Variants in CENPV observed in about 807,000 individuals in gnomAD.
The protein encoded by CENPV is centromere protein V.
CENPV carries 15 observed loss-of-function variants against 26.4 expected under a neutral mutation model. The ratio of observed to expected loss-of-function variants is 0.57; its 90% CI spans 0.38 to 0.88. The LOEUF (loss-of-function observed/expected upper bound fraction) is 0.88, where lower values mean the gene tolerates loss of function less well. CENPV is among the 40% of genes least tolerant of loss of function. The pLI is 0.00. For synonymous variants in CENPV, 172 were observed against 165.5 expected (o/e 1.04, Z -0.30); for missense variants, 336 against 376.5 (o/e 0.89, Z 0.89).
rs2093235189 is a variant in CENPV, at chr17:16,353,270, G to A, written c.167C>T (p.Pro56Leu). ...CCTCAGCCGCGGCTTCTCCGACGGC[G>A]GCTTCTCCACCGCCTGGCTCTTGCT... The part of the protein sequence containing the change: ...AGSKSQAVEK[P>L]PSEKPRLRRS... The change falls in exon 1 of 5, where the codon CCG becomes CTG. Residue 56 changes from proline (P) to leucine (L), a missense_variant. Coordinates refer to ENST00000299736, the MANE Select transcript of CENPV (RefSeq NM_181716.3). The A allele has an allele frequency of 3.5e-6, 5 of 1,419,476 alleles. No homozygotes were observed. Among genetic ancestry groups the A allele is most frequent in the Non-Finnish European group, 4.6e-6 (5 of 1,087,424 alleles). 87.9% of individuals were successfully genotyped at this position (1,419,476 alleles called of 1,614,324 possible). A position where few individuals can be genotyped will look rare whatever the true frequency, so the allele number is the denominator to read the frequency against.
intron 3 of CENPV, among the ~76,000 whole-genome samples, chr17:16,346,683 G>A (rs755535974): frequency 1.3e-5 from 2 of 150,914 alleles, no homozygotes; most frequent in Admixed American, 6.6e-5. Flanking sequence ...CCTGGGAGGC[G>A]GAGGTTACAG....
chr17:16,344,708 C>G lies in CENPV; in HGVS notation c.583G>C (p.Ala195Pro). Residue 195 changes from alanine to proline, a missense_variant, in exon 4 of 5, where the codon GCT becomes CCT. Physicochemically the swap from Ala to Pro is conservative, Grantham distance 27. Around this residue, in one of 2 missense-constraint regions of CENPV, gnomAD observed 155 missense variants for 227.8 expected, o/e 0.68. Coordinates refer to ENST00000299736, the MANE Select transcript of CENPV (RefSeq NM_181716.3). ...AACGTGTAAGTCGTTATGTGCTCAG[C>G]TCCCTAGGTGAAAACAGACAAACGG... is the stretch of plus-strand genomic sequence containing the variant. Reference protein sequence around the residue: ...PASRFKLLKGAEHITTYTFNT... With the variant: ...PASRFKLLKGPEHITTYTFNT... The G allele has an allele frequency of 6.4e-7, 1 of 1,564,396 alleles. No homozygotes were observed.
chr17:16,348,432 C>T (rs913158998), intron 3 of CENPV, 184 bp downstream of exon 3: 1 of 1,364,416 alleles, frequency 7.3e-7, no homozygotes, highest in Non-Finnish European at 9.5e-7. Context: ...GCTGGGATTA[C>T]AGGCGTGAGC....
At chr17:16,348,847 G>A in intron 2 of CENPV, 162 bp from the exon 3 acceptor site, 1 of 1,422,554 alleles carries the variant, frequency 7.0e-7, no homozygotes, top group Non-Finnish European at 9.2e-7. Flanking sequence ...CAGTGCCTCT[G>A]GTTTGCAGGT....
In CENPV at chr17:16,347,864, T is replaced by C. The variant is rs149776892; in HGVS notation, c.579+752A>G. Among the ~76,000 whole-genome samples, 243 of 152,234 alleles carry C rather than the reference T, an allele frequency of 1.6e-3. 12 individuals are homozygous for C. The East Asian group carries it at 0.044, about 27-fold the overall frequency. ...CAAAAAATTCCCCAAAATAATAAAA[T>C]TAAAGTTACAAATAAGTATATAAGC... On this transcript the variant is annotated intron_variant, in intron 3 of 4. Coordinates refer to ENST00000299736, the MANE Select transcript of CENPV (RefSeq NM_181716.3).
chr17:16,348,875 G>A (rs2093218587), intron 2 of CENPV, 190 bp from the exon 3 acceptor site: 6 of 1,382,592 alleles, frequency 4.3e-6, no homozygotes, highest in Non-Finnish European at 5.6e-6. Context: ...AGCCCAGGGG[G>A]GTCCCAAGTC....
intron 1 of CENPV, 137 bp downstream of exon 1, chr17:16,352,890 G>A (rs1476994493): frequency 3.2e-6 from 4 of 1,260,900 alleles, no homozygotes; most frequent in Admixed American, 8.0e-5. Context: ...GCTAACGGGG[G>A]AGCCGCGTCG....
intron 2 of CENPV, 169 bp from the exon 3 acceptor site, chr17:16,348,854 A>C (rs1243844168): frequency 2.3e-6 from 3 of 1,329,930 alleles, no homozygotes; most frequent in Non-Finnish European, 3.0e-6. Flanking sequence ...TCTGGTTTGC[A>C]GGTACAGCAG....
At chr17:16,351,582 CA>C (rs1294828231) in intron 1 of CENPV, 5 of 152,192 alleles carry the variant, frequency 3.3e-5, no homozygotes, top group African/African-American at 1.2e-4. Flanking sequence ...GAGGGATCTA[CA>C]GTTAATTATT....
At chr17:16,348,490 G>T (rs1031678938) in intron 3 of CENPV, 126 bp downstream of exon 3, 1 of 1,522,636 alleles carries the variant, frequency 6.6e-7, no homozygotes, top group Non-Finnish European at 8.9e-7. Context: ...ACCAAAGCCC[G>T]TGAGAGGCCC....
At chr17:16,350,478 G>C (rs943351261) in intron 1 of CENPV, 12 of 153,830 alleles carry the variant, frequency 7.8e-5, no homozygotes, top group African/African-American at 2.7e-4. Context: ...CAAGTAGCTG[G>C]GATTACAGGC....
chr17:16,342,546 A>G lies in CENPV; in HGVS notation c.*271T>C. The stretch of plus-strand genomic sequence containing the variant: ...AAACCAAAGTGACTGCTTTAATGTT[A>G]AAAATATTTATTTTTTTTCCTAAAA... On this transcript the variant is annotated 3_prime_UTR_variant, in exon 5 of 5. Coordinates refer to ENST00000299736, the MANE Select transcript of CENPV (RefSeq NM_181716.3). The G allele has an allele frequency of 1.8e-6, 1 of 557,172 alleles. No individual in the cohort carries two copies. The highest frequency in any genetic ancestry group is 2.7e-5 in the South Asian group (1 of 37,244). The allele number at this position is 557,172 out of a possible 1,614,324, so 34.5% of individuals were successfully genotyped here. A position where few individuals can be genotyped will look rare whatever the true frequency, so the allele number is the denominator to read the frequency against.
Position 16,349,598 on chromosome 17 carries a change from A to G in CENPV, c.509+333T>C, listed in dbSNP as rs2093221208. On this transcript the variant is annotated intron_variant, in intron 2 of 4. Coordinates refer to ENST00000299736, the MANE Select transcript of CENPV (RefSeq NM_181716.3). Reference sequence around the variant, plus strand: ...TAGACTTCTATGAAGATTCTGCCCAAGGCTTTCCACTCAGTACCCAGCCAG... The same window carrying G: ...TAGACTTCTATGAAGATTCTGCCCAGGGCTTTCCACTCAGTACCCAGCCAG... The G allele has an allele frequency of 2.8e-6, 3 of 1,056,334 alleles. No homozygotes were observed. The South Asian group carries it at 1.1e-4, about 38-fold the overall frequency. 65.4% of individuals were successfully genotyped at this position (1,056,334 alleles called of 1,614,324 possible).
At chr17:16,344,744 T>C (rs751261728) in intron 3 of CENPV, 33 bp from the exon 4 acceptor site, 3 of 1,193,114 alleles carry the variant, frequency 2.5e-6, no homozygotes, top group Non-Finnish European at 3.6e-6. Context: ...TATTCTTTTT[T>C]ACAAAGAGAT....
chr17:16,347,352 C>A (rs1232486040), intron 3 of CENPV, among the ~76,000 whole-genome samples: 1 of 152,114 alleles, frequency 6.6e-6, no homozygotes, highest in African/African-American at 2.4e-5. Context: ...TTGCTCACTC[C>A]ATAGCCACTG....
chr17:16,349,950 A>C lies in CENPV; in HGVS notation c.490T>G (p.Leu164Val). The part of the protein sequence containing the change: ...VRFEVWASAD[L>V]HIFDCNCSIC... ...ACTCACTTGCAGTCAAATATATGCA[A>C]GTCTGCTGAGGCCCAAACTTCAAAA... The change falls in exon 2 of 5, where the codon TTG becomes GTG. Residue 164 changes from leucine to valine, a missense_variant. By Grantham distance (32) the Leu-to-Val change is conservative (BLOSUM62 1). This residue lies in a region of CENPV where 155 missense variants were observed against 227.8 expected (regional missense o/e 0.68). Coordinates refer to ENST00000299736, the MANE Select transcript of CENPV (RefSeq NM_181716.3). The C allele has an allele frequency of 6.2e-7, 1 of 1,613,860 alleles. No homozygotes were observed. Among genetic ancestry groups the C allele is most frequent in the Non-Finnish European group, 8.5e-7 (1 of 1,179,968 alleles).
chr17:16,349,939 A>T lies in CENPV; in HGVS notation c.501T>A (p.Phe167Leu). ...GAAAAAAAAATACTCACTTGCAGTC[A>T]AATATATGCAAGTCTGCTGAGGCCC... is the stretch of plus-strand genomic sequence containing the variant. ...EVWASADLHI[F>L]DCNCSICKKK... The change falls in exon 2 of 5, where the codon TTT (phenylalanine) becomes TTA (leucine). Residue 167 changes from phenylalanine to leucine, a missense_variant. This residue lies in a region of CENPV where 155 missense variants were observed against 227.8 expected (regional missense o/e 0.68). Coordinates refer to ENST00000299736, the MANE Select transcript of CENPV (RefSeq NM_181716.3). 1 of 1,612,540 alleles carries T rather than the reference A, an allele frequency of 6.2e-7. No individual in the cohort carries two copies. Among genetic ancestry groups the T allele is most frequent in the East Asian group, 2.2e-5 (1 of 44,862 alleles).
Position 16,353,284 on chromosome 17 carries a change from C to G in CENPV, c.153G>C (p.Gln51His). Residue 51 changes from glutamine to histidine, a missense_variant, in exon 1 of 5, where the codon CAG (glutamine) becomes CAC (histidine). By Grantham distance (24) the Gln-to-His change is conservative. Transcript: ENST00000299736. The part of the protein sequence containing the change: ...RSASQAGSKS[Q>H]AVEKPPSEKP... ...TCTCCGACGGCGGCTTCTCCACCGCCTGGCTCTTGCTCCCGGCCTGGCTAG... is the reference window on the plus strand; with the variant it reads ...TCTCCGACGGCGGCTTCTCCACCGCGTGGCTCTTGCTCCCGGCCTGGCTAG... 2 of 1,421,542 alleles carry G rather than the reference C, an allele frequency of 1.4e-6. No homozygotes were observed. The highest frequency in any genetic ancestry group is 1.5e-5 in the African/African-American group (1 of 67,378). 88.1% of individuals were successfully genotyped at this position (1,421,542 alleles called of 1,614,324 possible).
chr17:16,342,649 C>T lies in CENPV; in HGVS notation c.*168G>A. On this transcript the variant is annotated 3_prime_UTR_variant, in exon 5 of 5. Coordinates refer to ENST00000299736, the MANE Select transcript of CENPV (RefSeq NM_181716.3). ...TGGGCAGAGGGAGGACAAAGAGCTG[C>T]CTAAAGAAACTGGTAGCTGGAGCAA... The T allele has an allele frequency of 1.5e-6, 1 of 677,034 alleles. No homozygotes were observed. Among genetic ancestry groups the T allele is most frequent in the Non-Finnish European group, 2.5e-6 (1 of 405,798 alleles). 41.9% of individuals were successfully genotyped at this position (677,034 alleles called of 1,614,324 possible). A position where few individuals can be genotyped will look rare whatever the true frequency, so the allele number is the denominator to read the frequency against.
Sources: gnomAD v4.1 joint callset for allele counts (sites outside exome capture counted in the v4.1 genomes callset) on GRCh38, gnomAD v4.1.1 for gene constraint, gnomAD v4.1.1 regional missense constraint, MANE v1.5 for transcripts, NCBI Gene and HGNC (gene_info 2026-07-23, HGNC 2026-07-21) for gene names.